The following PCDH15 variants were observed in gnomAD, a reference collection of about 807,000 sequenced individuals.
The protein encoded by PCDH15 is protocadherin-15.
Under a neutral mutation model 178.5 loss-of-function variants are expected in PCDH15, and 129 were observed. The ratio of observed to expected loss-of-function variants is 0.72; its 90% confidence interval spans 0.63 to 0.84. The LOEUF is 0.84. PCDH15 is among the 40% of genes least tolerant of loss of function. The pLI is 0.00. For synonymous variants in PCDH15, 800 were observed against 732.0 expected (o/e 1.09, Z -1.50); for missense variants, 2,230 against 2,099.9 (o/e 1.06, Z -1.21).
intron 5 of PCDH15, among the ~76,000 whole-genome samples, chr10:54,361,447 A>G (rs971683448): frequency 1.3e-5 from 2 of 152,088 alleles, no homozygotes; most frequent in South Asian, 2.1e-4. Context: ...CTACCATTCA[A>G]TGAGTGTTAT....
intron 1 of PCDH15, among the ~76,000 whole-genome samples, chr10:54,776,846 C>T (rs1401466991): frequency 1.3e-5 from 2 of 151,870 alleles, no homozygotes; most frequent in African/African-American, 2.4e-5. Context: ...AAGAAGCTGT[C>T]CCAGTATCAT....
intron 16 of PCDH15, among the ~76,000 whole-genome samples, chr10:54,088,058 G>A (rs2094543012): frequency 6.6e-6 from 1 of 152,150 alleles, no homozygotes; most frequent in African/African-American, 2.4e-5. Flanking sequence ...TGTATAGCCT[G>A]CAGAACCGTG....
At chr10:54,432,675 C>T (rs1449921889) in intron 3 of PCDH15, among the ~76,000 whole-genome samples, 97 of 151,858 alleles carry the variant, frequency 6.4e-4, no homozygotes, top group Non-Finnish European at 2.9e-5. Context: ...AGCAAAAGTT[C>T]CCTGAGTAAT....
At chr10:55,260,576 A>T (rs147173999) in intron 1 of PCDH15, among the ~76,000 whole-genome samples, 3,230 of 152,276 alleles carry the variant, frequency 0.021, 60 homozygotes, top group South Asian at 0.076. Flanking sequence ...GGATATAGCT[A>T]ATTTATACAA....
At chr10:55,475,238 C>A (rs1360714104) in intron 2 of PCDH15, among the ~76,000 whole-genome samples, 1 of 152,082 alleles carries the variant, frequency 6.6e-6, no homozygotes, top group African/African-American at 2.4e-5. Context: ...ACCCAAACAC[C>A]TCCCTTTATG....
At chr10:54,505,120 G>T (rs756083784) in intron 3 of PCDH15, among the ~76,000 whole-genome samples, 16 of 152,006 alleles carry the variant, frequency 1.1e-4, no homozygotes, top group African/African-American at 4.8e-5. Flanking sequence ...AAATCAAGGA[G>T]TTATAAATAT....
intron 1 of PCDH15, among the ~76,000 whole-genome samples, chr10:54,782,235 A>G (rs2133421016): frequency 6.6e-6 from 1 of 152,216 alleles, no homozygotes; most frequent in Non-Finnish European, 1.5e-5. Context: ...GTAGTACAAT[A>G]CTGTGAACAA....
At chr10:54,457,069 TG>T (rs2076872014) in intron 3 of PCDH15, among the ~76,000 whole-genome samples, 1 of 152,178 alleles carries the variant, frequency 6.6e-6, no homozygotes, top group South Asian at 2.1e-4. Context: ...TTTCAGCTTT[TG>T]TTTCTTAGGG....
At chr10:54,951,651 G>A (rs1390870878) in intron 2 of PCDH15, among the ~76,000 whole-genome samples, 1 of 151,846 alleles carries the variant, frequency 6.6e-6, no homozygotes, top group East Asian at 1.9e-4. Flanking sequence ...GTCTTTTAAA[G>A]CGGTTATAGC....
intron 3 of PCDH15, among the ~76,000 whole-genome samples, chr10:54,855,279 G>T (rs1342310931): frequency 6.6e-6 from 1 of 152,208 alleles, no homozygotes; most frequent in Non-Finnish European, 1.5e-5. Flanking sequence ...CAGCTATGAT[G>T]TGGGTATCTG....
chr10:54,528,058 C>T (rs1186559438), intron 2 of PCDH15, among the ~76,000 whole-genome samples, 181 bp from the exon 3 acceptor site: 1 of 151,980 alleles, frequency 6.6e-6, no homozygotes, highest in Non-Finnish European at 1.5e-5. Flanking sequence ...TTCCTTACCA[C>T]ATCATAATAC....
intron 1 of PCDH15, among the ~76,000 whole-genome samples, chr10:54,734,310 G>T (rs1014531774): frequency 6.6e-6 from 1 of 151,782 alleles, no homozygotes; most frequent in African/African-American, 2.4e-5. Context: ...ATGAGAAGAT[G>T]CTCAACAACA....
Position 55,024,435 on chromosome 10 carries a change from A to T in PCDH15, c.-79-126935T>A, listed in dbSNP as rs895220008. Among the ~76,000 whole-genome samples, 13 of 135,102 alleles carry T rather than the reference A, an allele frequency of 9.6e-5. No individual in the cohort carries two copies. In the South Asian group the frequency reaches 3.1e-3, roughly 32 times the overall value. The allele number at this position is 135,102 out of a possible 152,430, so 88.6% of individuals were successfully genotyped here. A position where few individuals can be genotyped will look rare whatever the true frequency, so the allele number is the denominator to read the frequency against. On this transcript the variant is annotated intron_variant, in intron 2 of 5. Transcript: ENST00000458638. ...TATATATATAGAAAGAGATAAAGGG[A>T]TAATATATTATATATATATACACAC...
chr10:54,731,365 A>G (rs1014576273), intron 1 of PCDH15, among the ~76,000 whole-genome samples: 4 of 150,530 alleles, frequency 2.7e-5, no homozygotes, highest in Non-Finnish European at 5.9e-5. Context: ...CAGTTTCTCA[A>G]AAAAATTAAA....
Position 53,945,292 on chromosome 10 carries a change from ATTT to A in PCDH15, c.3123-4320_3123-4318del, listed in dbSNP as rs1297423425. ...CTCAGAATTTTTTGTATTCTTATTT[ATTT>A]TTTAATTGGCAAATAGAAATTTTAT... On this transcript the variant is annotated intron_variant, in intron 23 of 37. Transcript: ENST00000644397. Among the ~76,000 whole-genome samples, 27 of 152,050 alleles carry A rather than the reference ATTT, an allele frequency of 1.8e-4. 2 individuals carry two copies. Among genetic ancestry groups the A allele is most frequent in the Admixed American group, 1.7e-3 (26 of 15,254 alleles).
chr10:55,350,949 T>C (rs746277180), intron 2 of PCDH15, among the ~76,000 whole-genome samples: 10 of 151,402 alleles, frequency 6.6e-5, no homozygotes, highest in Non-Finnish European at 8.8e-5. Flanking sequence ...ACATGTTTTA[T>C]TATTTCTTCT....
chr10:53,992,131 A>G (rs973694453), intron 21 of PCDH15, among the ~76,000 whole-genome samples: 2 of 151,872 alleles, frequency 1.3e-5, no homozygotes. Flanking sequence ...GGAATGAGCA[A>G]CTCTGGACGG....
At chr10:54,216,758 A>G (rs894048348) in intron 9 of PCDH15, among the ~76,000 whole-genome samples, 3 of 152,170 alleles carry the variant, frequency 2.0e-5, no homozygotes, top group Non-Finnish European at 4.4e-5. Context: ...AATAATATTA[A>G]TGTTTACTTT....
chr10:55,069,401 G>A (rs71492639), intron 2 of PCDH15, among the ~76,000 whole-genome samples: 75,769 of 138,738 alleles, frequency 0.55, 21,190 homozygotes, highest in East Asian at 0.73. Context: ...AGCATTAGGT[G>A]TATCTCCTAA....
Sources: gnomAD v4.1 joint callset for allele counts (sites outside exome capture counted in the v4.1 genomes callset) on GRCh38, gnomAD v4.1.1 for gene constraint, MANE v1.5 for transcripts, NCBI Gene and HGNC (gene_info 2026-07-23, HGNC 2026-07-21) for gene names.